Variants in MTUS1 observed in about 807,000 individuals in gnomAD.
MTUS1 encodes the protein microtubule associated scaffold protein 1, also known as microtubule-associated tumor suppressor 1.
MTUS1 carries 109 observed loss-of-function variants against 120.8 expected under a neutral mutation model. The observed-to-expected ratio is 0.90, with a 90% CI of 0.77 to 1.06. The LOEUF is 1.06. MTUS1 is among the 50% of genes least tolerant of loss of function. MTUS1 has a pLI of 0.00. For missense variants in MTUS1, 2,210 were observed against 1,486.3 expected (o/e 1.49, Z -8.01); for synonymous variants, 737 against 550.5 (o/e 1.34, Z -4.74).
At chr8:17,685,476 T>TAA (rs576891616) in intron 6 of MTUS1, among the ~76,000 whole-genome samples, 5 of 136,336 alleles carry the variant, frequency 3.7e-5, no homozygotes, top group African/African-American at 1.1e-4. Context: ...CACAAGAAAC[T>TAA]AAAAAAAAAA....
At chr8:17,646,342 C>A (rs1414627452) in intron 14 of MTUS1, among the ~76,000 whole-genome samples, 3 of 152,106 alleles carry the variant, frequency 2.0e-5, no homozygotes, top group Non-Finnish European at 4.4e-5. Flanking sequence ...AATCCTGGCA[C>A]CTTGGGAGGC....
intron 7 of MTUS1, among the ~76,000 whole-genome samples, chr8:17,675,542 T>A (rs149680193): frequency 2.0e-4 from 30 of 152,352 alleles, no homozygotes; most frequent in Admixed American, 4.6e-4. Context: ...TGCTGATCCA[T>A]AGAACCTTTC....
At chr8:17,655,624 T>C (rs1484765989) in intron 9 of MTUS1, among the ~76,000 whole-genome samples, 1 of 151,984 alleles carries the variant, frequency 6.6e-6, no homozygotes, top group Non-Finnish European at 1.5e-5. Context: ...CTCAGGAGGT[T>C]GAGGAAGGAG....
At chr8:17,695,067 A>G (rs1817685594) in intron 6 of MTUS1, among the ~76,000 whole-genome samples, 2 of 152,128 alleles carry the variant, frequency 1.3e-5, no homozygotes, top group Admixed American at 1.3e-4. Flanking sequence ...ATACCAACCC[A>G]AGTTACTGCT....
At chr8:17,775,539 T>C (rs995910720) in intron 1 of MTUS1, among the ~76,000 whole-genome samples, 10 of 152,224 alleles carry the variant, frequency 6.6e-5, no homozygotes, top group Admixed American at 6.5e-4. Flanking sequence ...AAAGCAGCCA[T>C]GTGTACATAT....
intron 6 of MTUS1, among the ~76,000 whole-genome samples, chr8:17,698,648 G>A (rs558114800): frequency 6.6e-6 from 1 of 152,160 alleles, no homozygotes; most frequent in African/African-American, 2.4e-5. Context: ...AGTTCTTTTA[G>A]AAATTCTATA....
At chr8:17,741,406 T>A (rs985293507) in intron 3 of MTUS1, among the ~76,000 whole-genome samples, 1 of 152,200 alleles carries the variant, frequency 6.6e-6, no homozygotes, top group Non-Finnish European at 1.5e-5. Flanking sequence ...TGTTTCCAGT[T>A]ACATTAACTT....
intron 2 of MTUS1, among the ~76,000 whole-genome samples, chr8:17,753,436 T>C (rs2048342641): frequency 6.6e-6 from 1 of 152,144 alleles, no homozygotes; most frequent in African/African-American, 2.4e-5. Flanking sequence ...CTAATTATAC[T>C]AAAATATTAA....
chr8:17,671,591 G>A (rs568881963), intron 8 of MTUS1, among the ~76,000 whole-genome samples: 31 of 152,230 alleles, frequency 2.0e-4, no homozygotes, highest in Non-Finnish European at 4.3e-4. Context: ...GAGACTGAGG[G>A]AACAACGGGA....
At chr8:17,792,681 T>C (rs1210396256) in intron 1 of MTUS1, among the ~76,000 whole-genome samples, 1 of 152,190 alleles carries the variant, frequency 6.6e-6, no homozygotes, top group Admixed American at 6.5e-5. Context: ...CTGGCCAACA[T>C]GGGGAAATTC....
intron 3 of MTUS1, among the ~76,000 whole-genome samples, chr8:17,734,494 T>A (rs112461772): frequency 9.0e-4 from 136 of 151,566 alleles, no homozygotes; most frequent in African/African-American, 3.3e-3. Context: ...TCACGATGAC[T>A]CGAACTCCAC....
chr8:17,649,843 T>C lies in MTUS1; in HGVS notation c.3501+3A>G, dbSNP rs1420603407. ...ATCCTCTTTCATTCTGAAGGAAACA[T>C]ACCAGTTTCTCCATTTTCATTAACT... is the stretch of plus-strand genomic sequence containing the variant. On this transcript the variant is annotated splice_donor_region_variant and intron_variant, in intron 13 of 14. Transcript: ENST00000693296. 6.8e-7 allele frequency: 1 copy of C among 1,463,290 alleles called. No homozygotes were observed. The highest frequency in any genetic ancestry group is 1.1e-5 in the South Asian group (1 of 87,890). The allele number at this position is 1,463,290 out of a possible 1,614,324, so 90.6% of individuals were successfully genotyped here.
At chr8:17,669,143 C>T (rs966035122) in intron 8 of MTUS1, among the ~76,000 whole-genome samples, 8 of 152,174 alleles carry the variant, frequency 5.3e-5, no homozygotes, top group African/African-American at 1.9e-4. Flanking sequence ...AAACAAATCT[C>T]TGTAAGAACA....
chr8:17,651,100 C>T (rs186521418), intron 12 of MTUS1, among the ~76,000 whole-genome samples: 171 of 152,192 alleles, frequency 1.1e-3, no homozygotes, highest in African/African-American at 3.8e-3. Context: ...GCTTCCAGAG[C>T]TGGAAAGGGT....
intron 6 of MTUS1, among the ~76,000 whole-genome samples, chr8:17,705,281 GC>G (rs1257501025): frequency 3.3e-5 from 5 of 152,168 alleles, no homozygotes; most frequent in Admixed American, 6.5e-5. Context: ...ACCATGCACA[GC>G]CTGTTTCTAA....
In MTUS1 at chr8:17,755,011, C is replaced by A; in HGVS notation, c.797G>T (p.Cys266Phe). 6.2e-7 allele frequency: 1 copy of A among 1,614,056 alleles called. No homozygotes were observed. The change falls in exon 2 of 15, where the codon TGT (cysteine) becomes TTT (phenylalanine). Residue 266 changes from cysteine (C) to phenylalanine (F), a missense_variant. Cys to Phe is a radical substitution (Grantham distance 205). Transcript: ENST00000693296. The stretch of plus-strand genomic sequence containing the variant: ...CTCACTGGTGACCTTTCCTGAAGAA[C>A]ATGCACACTGATTTCCAATATCTGA... ...FVSDIGNQCA[C>F]SSGKVTSEYT...
chr8:17,782,157 T>C (rs766952387), intron 1 of MTUS1, among the ~76,000 whole-genome samples: 1 of 152,052 alleles, frequency 6.6e-6, no homozygotes, highest in African/African-American at 2.4e-5. Flanking sequence ...AATGATGGGA[T>C]TTTTTTCCCC....
intron 1 of MTUS1, among the ~76,000 whole-genome samples, chr8:17,759,686 T>G (rs2048889299): frequency 6.7e-6 from 1 of 149,678 alleles, no homozygotes; most frequent in South Asian, 2.1e-4. Context: ...TACTGAGTTT[T>G]GCTTTTAAGA....
At chr8:17,703,628 C>CAAAAAAAA (rs140018758) in intron 6 of MTUS1, among the ~76,000 whole-genome samples, 2 of 115,138 alleles carry the variant, frequency 1.7e-5, no homozygotes, top group Non-Finnish European at 3.6e-5. Flanking sequence ...GACTCTGTCT[C>CAAAAAAAA]AAAAAAAAAA....
Sources: allele counts gnomAD v4.1 joint callset (sites outside exome capture counted in the v4.1 genomes callset), GRCh38; gene constraint gnomAD v4.1.1; transcripts MANE v1.5; gene names NCBI Gene and HGNC (gene_info 2026-07-23, HGNC 2026-07-21).